Variants in TMPRSS15 observed in about 807,000 individuals in gnomAD.
The protein encoded by TMPRSS15 is transmembrane serine protease 15.
Under a neutral mutation model 125.3 loss-of-function variants are expected in TMPRSS15, and 128 were observed. The observed-to-expected ratio is 1.02, with a 90% CI of 0.89 to 1.18. The LOEUF is 1.18. TMPRSS15 is among the 50% of genes most tolerant of loss of function. TMPRSS15 has a pLI of 0.00. For synonymous variants in TMPRSS15, 446 were observed against 423.2 expected (o/e 1.05, Z -0.66); for missense variants, 1,283 against 1,212.7 (o/e 1.06, Z -0.86).
At chr21:18,300,145 G>C (rs2146910648) in intron 18 of TMPRSS15, among the ~76,000 whole-genome samples, 1 of 149,994 alleles carries the variant, frequency 6.7e-6, no homozygotes, top group East Asian at 2.0e-4. Flanking sequence ...CCCGTCTCTT[G>C]GATATCTCTT....
intron 1 of TMPRSS15, among the ~76,000 whole-genome samples, chr21:18,478,309 T>G (rs1187026923): frequency 6.6e-6 from 1 of 152,076 alleles, no homozygotes; most frequent in Non-Finnish European, 1.5e-5. Flanking sequence ...ATCTTGGTTA[T>G]GCTGTTCGTC....
chr21:18,456,815 A>C (rs906199795), intron 1 of TMPRSS15, among the ~76,000 whole-genome samples: 7 of 152,122 alleles, frequency 4.6e-5, no homozygotes, highest in African/African-American at 1.7e-4. Context: ...GATTTTCAGA[A>C]ATTTATATCT....
At chr21:18,356,983 G>C (rs1276249338) in intron 8 of TMPRSS15, among the ~76,000 whole-genome samples, 1 of 151,798 alleles carries the variant, frequency 6.6e-6, no homozygotes, top group Non-Finnish European at 1.5e-5. Flanking sequence ...CTAAGCACTT[G>C]AGATATAAAG....
intron 16 of TMPRSS15, among the ~76,000 whole-genome samples, chr21:18,315,460 G>A (rs1261206455): frequency 8.2e-6 from 1 of 121,346 alleles, no homozygotes. Flanking sequence ...CCTGCACGTT[G>A]TGCACATGTA....
At chr21:18,324,130 A>G (rs1404545575) in intron 16 of TMPRSS15, among the ~76,000 whole-genome samples, 1 of 152,068 alleles carries the variant, frequency 6.6e-6, no homozygotes, top group Admixed American at 6.6e-5. Context: ...ACGATTTTTC[A>G]GGTAATTTTA....
chr21:18,438,550 G>C (rs2076234520), intron 1 of TMPRSS15, among the ~76,000 whole-genome samples: 1 of 152,020 alleles, frequency 6.6e-6, no homozygotes, highest in South Asian at 2.1e-4. Context: ...AAAATTAAAA[G>C]ACATCTTTTT....
intron 1 of TMPRSS15, among the ~76,000 whole-genome samples, chr21:18,441,500 G>A (rs1381551112): frequency 1.2e-4 from 18 of 149,754 alleles, no homozygotes; most frequent in Admixed American, 6.7e-5. Flanking sequence ...CCAGCTACTC[G>A]GGAGGCTGAG....
chr21:18,310,933 C>CTTTT (rs71329779), intron 18 of TMPRSS15, among the ~76,000 whole-genome samples: 4 of 136,870 alleles, frequency 2.9e-5, no homozygotes, highest in Admixed American at 7.2e-5. Flanking sequence ...CCCACTGATT[C>CTTTT]TTTTTTTTTT....
In TMPRSS15 at chr21:18,413,373, C is replaced by A. The variant is rs529772095; in HGVS notation, c.11-15044G>T. Among the ~76,000 whole-genome samples the A allele has an allele frequency of 8.6e-5, 11 of 128,158 alleles. No homozygotes were observed. The East Asian group carries it at 1.6e-3, about 19-fold the overall frequency. The allele number at this position is 128,158 out of a possible 152,430, so 84.1% of individuals were successfully genotyped here. ...CTTCCTTCCTTCCTTTCCTTCCTTCCTTCCTTTCTTTCTATCTTTCTTCTT... is the reference window on the plus strand; with the variant it reads ...CTTCCTTCCTTCCTTTCCTTCCTTCATTCCTTTCTTTCTATCTTTCTTCTT... On this transcript the variant is annotated intron_variant, in intron 1 of 7. Transcript: ENST00000422787.
intron 21 of TMPRSS15, among the ~76,000 whole-genome samples, chr21:18,282,658 C>G (rs1363040515): frequency 6.6e-6 from 1 of 152,202 alleles, no homozygotes; most frequent in Non-Finnish European, 1.5e-5. Flanking sequence ...CACCTAAGTG[C>G]TCTGTAGCAA....
chr21:18,467,149 T>C (rs371698645), intron 1 of TMPRSS15, among the ~76,000 whole-genome samples: 2 of 152,160 alleles, frequency 1.3e-5, no homozygotes, highest in East Asian at 3.9e-4. Flanking sequence ...CTCAGCAAAC[T>C]AACACAGGAA....
chr21:18,308,406 T>C (rs57180870), intron 18 of TMPRSS15, among the ~76,000 whole-genome samples: 31,005 of 136,312 alleles, frequency 0.23, 4,174 homozygotes, highest in African/African-American at 0.39. Flanking sequence ...CACACACACA[T>C]TTAAAGTACA....
chr21:18,311,851 A>T (rs2075104009), intron 18 of TMPRSS15, among the ~76,000 whole-genome samples: 1 of 152,136 alleles, frequency 6.6e-6, no homozygotes. Context: ...AGAAAAGCAT[A>T]TGTTTTATAA....
intron 5 of TMPRSS15, among the ~76,000 whole-genome samples, chr21:18,378,499 A>G (rs904091554): frequency 2.0e-5 from 3 of 152,146 alleles, no homozygotes; most frequent in African/African-American, 4.8e-5. Context: ...AACAATTTTT[A>G]TGCAAGAATC....
rs182225489 is a variant in TMPRSS15, at chr21:18,386,848, T to C, written c.345-3070A>G. 1.2e-3 allele frequency among the ~76,000 whole-genome samples: 186 copies of C among 152,324 alleles called. 3 individuals are homozygous for C. Among genetic ancestry groups the C allele is most frequent in the East Asian group, 6.6e-3 (34 of 5,178 alleles). ...GACTGAACACTTGCTTTCATTTTAT[T>C]TGAGTTACGGAGTAAAAGAGGTAAG... On this transcript the variant is annotated intron_variant, in intron 3 of 24. Transcript: ENST00000284885.
At chr21:18,277,875 C>T (rs1047582744) in intron 23 of TMPRSS15, among the ~76,000 whole-genome samples, 3 of 152,166 alleles carry the variant, frequency 2.0e-5, no homozygotes, top group African/African-American at 7.2e-5. Flanking sequence ...TCTGTCCCAG[C>T]TAGGGCACTC....
chr21:18,287,481 ATAAC>A (rs1471291720), intron 21 of TMPRSS15, among the ~76,000 whole-genome samples: 2 of 152,190 alleles, frequency 1.3e-5, no homozygotes, highest in Non-Finnish European at 2.9e-5. Context: ...GTTATGCAAA[ATAAC>A]TAAGAAAAAA....
Position 18,343,647 on chromosome 21 carries a change from C to T in TMPRSS15, c.1287G>A (p.Met429Ile), listed in dbSNP as rs1243868915. The change falls in exon 12 of 25, where the codon ATG (methionine) becomes ATA (isoleucine). Residue 429 changes from methionine (M) to isoleucine (I), a missense_variant. Met to Ile is a conservative substitution (Grantham distance 10). Transcript: ENST00000284885. Reference sequence around the variant, plus strand: ...TTAATTTATGGACATTTTCACCATACATATGATACCTAGTTTGGAAAGAAG... The same window carrying T: ...TTAATTTATGGACATTTTCACCATATATATGATACCTAGTTTGGAAAGAAG... ...EPACLSFWYH[M>I]YGENVHKLSI... is the part of the protein sequence containing the mutation. The T allele has an allele frequency of 1.2e-6, 2 of 1,613,528 alleles. No homozygotes were observed. Among genetic ancestry groups the T allele is most frequent in the Non-Finnish European group, 8.5e-7 (1 of 1,179,714 alleles).
rs57382089 is a variant in TMPRSS15 at position 18,331,933 on chromosome 21, T to C, written c.1654+151A>G. 2.6e-3 allele frequency: 1,830 copies of C among 694,922 alleles called. 20 individuals carry two copies. The highest frequency in any genetic ancestry group is 0.025 in the African/African-American group (1,422 of 56,448). 43.0% of individuals were successfully genotyped at this position (694,922 alleles called of 1,614,324 possible). A position where few individuals can be genotyped will look rare whatever the true frequency, so the allele number is the denominator to read the frequency against. ...GCTATATATATTTAGCAATTATTGT[T>C]ATTTTTGTTGTTATATTAAGCAATC... On this transcript the variant is annotated intron_variant, in intron 14 of 24. Transcript: ENST00000284885.
Sources: gnomAD v4.1 joint callset for allele counts (sites outside exome capture counted in the v4.1 genomes callset) on GRCh38, gnomAD v4.1.1 for gene constraint, MANE v1.5 for transcripts, NCBI Gene and HGNC (gene_info 2026-07-23, HGNC 2026-07-21) for gene names.